Variants in BBIP1 observed in about 807,000 individuals in gnomAD.
BBIP1 encodes BBSome-interacting protein 1.
In BBIP1, 6 loss-of-function variants were observed where a neutral mutation model predicts 8.9. That is an observed-to-expected ratio of 0.67 (90% CI 0.37 to 1.33). The LOEUF (loss-of-function observed/expected upper bound fraction) is 1.33. Ranked by LOEUF, BBIP1 falls within the 40% of genes most tolerant of loss-of-function variation. The pLI, the probability that BBIP1 is intolerant of heterozygous loss-of-function variation, is 0.02. For missense variants in BBIP1, 111 were observed against 109.2 expected, an observed-to-expected ratio of 1.02 and a Z score of -0.07; for synonymous variants, 32 against 33.4, an observed-to-expected ratio of 0.96 and a Z score of 0.14.
At chr10:110,909,186 T>C (rs1425143101) in intron 2 of BBIP1, among the ~76,000 whole-genome samples, 1 of 148,710 alleles carries the variant, frequency 6.7e-6, no homozygotes, top group East Asian at 1.9e-4. Context: ...TATATAATTT[T>C]GTTATGAAAA....
intron 2 of BBIP1, among the ~76,000 whole-genome samples, chr10:110,916,847 A>G (rs1846415916): frequency 6.6e-6 from 1 of 152,232 alleles, no homozygotes; most frequent in African/African-American, 2.4e-5. Context: ...CATACTCTAT[A>G]CACACAGGAT....
intron 2 of BBIP1, among the ~76,000 whole-genome samples, chr10:110,906,005 CTTTTT>C (rs71035311): frequency 9.4e-6 from 1 of 106,104 alleles, no homozygotes. Flanking sequence ...ATTTTCATGC[CTTTTT>C]TTTTTTTTTT....
At position 110,899,693 on chromosome 10, in the gene BBIP1, A is replaced by C. The variant is rs561051882; in HGVS notation, c.*667T>G. The stretch of plus-strand genomic sequence containing the variant: ...ATGCGTGTAATCCCAGCTACTTGGG[A>C]GGCTGAGGCAGGAGAATTGCTTGAA... On this transcript the variant is annotated 3_prime_UTR_variant, in exon 4 of 4. Coordinates refer to ENST00000448814, the MANE Select transcript of BBIP1 (RefSeq NM_001195305.3). 3 of 152,138 alleles carry C rather than the reference A, an allele frequency of 2.0e-5. No homozygotes were observed. The East Asian group carries it at 5.8e-4, about 30-fold the overall frequency. 9.4% of individuals were successfully genotyped at this position (152,138 alleles called of 1,614,324 possible). A position where few individuals can be genotyped will look rare whatever the true frequency, so the allele number is the denominator to read the frequency against.
In BBIP1 at chr10:110,918,037, A is replaced by G. The variant is rs113320520; in HGVS notation, c.37+84T>C. The G allele has an allele frequency of 9.0e-6, 11 of 1,226,498 alleles. 1 individual carries two copies. In the African/African-American group the frequency reaches 1.2e-4, roughly 13 times the overall value. The allele number at this position is 1,226,498 out of a possible 1,614,324, so 76.0% of individuals were successfully genotyped here. ...AGTTCATTTTGGCTGGCGTGTAAGTACTAAGGAAGCAGAAATTAAGTCGAG... is the reference window on the plus strand; with the variant it reads ...AGTTCATTTTGGCTGGCGTGTAAGTGCTAAGGAAGCAGAAATTAAGTCGAG... On this transcript the variant is annotated intron_variant, in intron 2 of 3. Transcript: ENST00000448814.
At chr10:110,910,401 T>C (rs1182885280) in intron 2 of BBIP1, among the ~76,000 whole-genome samples, 1 of 152,142 alleles carries the variant, frequency 6.6e-6, no homozygotes, top group African/African-American at 2.4e-5. Flanking sequence ...GGACTTCATA[T>C]CCTATAGTCA....
intron 3 of BBIP1, chr10:110,901,276 G>T: frequency 2.2e-6 from 1 of 448,778 alleles, no homozygotes; most frequent in Non-Finnish European, 4.1e-6. Flanking sequence ...GTGACAACCT[G>T]TCTCTTAAAA....
chr10:110,899,400 G>A lies in BBIP1; in HGVS notation c.*960C>T, dbSNP rs920641886. The A allele has an allele frequency of 9.9e-5, 15 of 152,112 alleles. No individual in the cohort carries two copies. The highest frequency in any genetic ancestry group is 3.6e-4 in the African/African-American group (15 of 41,422). The allele number at this position is 152,112 out of a possible 1,614,324, so 9.4% of individuals were successfully genotyped here. A position where few individuals can be genotyped will look rare whatever the true frequency, so the allele number is the denominator to read the frequency against. On this transcript the variant is annotated 3_prime_UTR_variant, in exon 4 of 4. Coordinates refer to ENST00000448814, the MANE Select transcript of BBIP1 (RefSeq NM_001195305.3). ...AGTTACCATTTTTAGGTTTTTAATTGTTTGACACTTGGATGATAAATGCAG... is the reference window on the plus strand; with the variant it reads ...AGTTACCATTTTTAGGTTTTTAATTATTTGACACTTGGATGATAAATGCAG...
At chr10:110,900,730 G>C (rs1845975157) in intron 3 of BBIP1, 1 of 483,900 alleles carries the variant, frequency 2.1e-6, no homozygotes, top group Non-Finnish European at 3.6e-6. Flanking sequence ...TTCTGAGGAA[G>C]ACAAGTTTTG....
At chr10:110,901,910 T>C (rs1445097546) in intron 2 of BBIP1, 4 of 325,002 alleles carry the variant, frequency 1.2e-5, no homozygotes, top group African/African-American at 4.2e-5. Context: ...ATGATTAATA[T>C]CATCTGAGGA....
chr10:110,914,605 A>G (rs1393877614), intron 2 of BBIP1, among the ~76,000 whole-genome samples: 2 of 152,204 alleles, frequency 1.3e-5, no homozygotes, highest in African/African-American at 4.8e-5. Flanking sequence ...AACATATGAC[A>G]TCATATGTCA....
chr10:110,904,626 GTATC>G (rs1207621962), intron 2 of BBIP1: 11 of 152,174 alleles, frequency 7.2e-5, no homozygotes, highest in African/African-American at 2.4e-4. Context: ...TTGCAGTACT[GTATC>G]TACTAAAACT....
At chr10:110,918,986 T>C (rs1198506753) in intron 1 of BBIP1, 135 bp downstream of exon 1, 1 of 152,292 alleles carries the variant, frequency 6.6e-6, no homozygotes, top group African/African-American at 2.4e-5. Flanking sequence ...CCCTAAACTG[T>C]TGTCCATCTC....
At chr10:110,902,169 A>G (rs1320258113) in intron 2 of BBIP1, 1 of 153,998 alleles carries the variant, frequency 6.5e-6, no homozygotes, top group African/African-American at 2.4e-5. Context: ...ACGAAGTAAT[A>G]CAATAGGTGA....
intron 2 of BBIP1, among the ~76,000 whole-genome samples, chr10:110,905,823 CTG>C (rs1186941261): frequency 6.6e-6 from 1 of 152,092 alleles, no homozygotes; most frequent in Non-Finnish European, 1.5e-5. Context: ...TTAAAAATAA[CTG>C]TTACCTCAGT....
At chr10:110,914,348 T>G (rs181992042) in intron 2 of BBIP1, among the ~76,000 whole-genome samples, 87 of 151,932 alleles carry the variant, frequency 5.7e-4, no homozygotes, top group African/African-American at 2.1e-3. Flanking sequence ...GAGGGGGTGG[T>G]GAGAATGGTA....
Position 110,918,227 on chromosome 10 carries a change from T to A in BBIP1, c.-56-14A>T. On this transcript the variant is annotated splice_polypyrimidine_tract_variant and intron_variant, in intron 1 of 3. Transcript: ENST00000448814. Reference sequence around the variant, plus strand: ...ATACAGAAGAAACTACAAGATAATGTATGATAACTTTGTAAAGGGCCATAT... The same window carrying A: ...ATACAGAAGAAACTACAAGATAATGAATGATAACTTTGTAAAGGGCCATAT... The A allele has an allele frequency of 1.5e-6, 2 of 1,327,222 alleles. No homozygotes were observed. Among genetic ancestry groups the A allele is most frequent in the Non-Finnish European group, 2.1e-6 (2 of 959,664 alleles). 82.2% of individuals were successfully genotyped at this position (1,327,222 alleles called of 1,614,324 possible). A position where few individuals can be genotyped will look rare whatever the true frequency, so the allele number is the denominator to read the frequency against.
intron 2 of BBIP1, among the ~76,000 whole-genome samples, chr10:110,916,405 C>T (rs561683647): frequency 1.3e-5 from 2 of 152,162 alleles, no homozygotes; most frequent in African/African-American, 4.8e-5. Context: ...GTAAATTCCA[C>T]AAACACTTCT....
intron 2 of BBIP1, among the ~76,000 whole-genome samples, chr10:110,915,390 G>A (rs563606820): frequency 6.6e-6 from 1 of 152,230 alleles, no homozygotes; most frequent in African/African-American, 2.4e-5. Context: ...CTGGGCTCAA[G>A]TGATCTGCCC....
chr10:110,901,212 C>A, intron 3 of BBIP1: 2 of 422,440 alleles, frequency 4.7e-6, no homozygotes, highest in South Asian at 3.8e-5. Flanking sequence ...CCCAGTAGTT[C>A]AAGGCTGCGG....
Sources: allele counts gnomAD v4.1 joint callset (sites outside exome capture counted in the v4.1 genomes callset), GRCh38; gene constraint gnomAD v4.1.1; transcripts MANE v1.5; gene names NCBI Gene and HGNC (gene_info 2026-07-23, HGNC 2026-07-21).